The following CAMTA1 variants were observed in gnomAD, a reference collection of about 807,000 sequenced individuals.
CAMTA1 encodes the protein calmodulin binding transcription activator 1, also known as calmodulin-binding transcription activator 1.
Under a neutral mutation model 170.9 loss-of-function variants are expected in CAMTA1, and 27 were observed. The ratio of observed to expected loss-of-function variants is 0.16; its 90% CI spans 0.12 to 0.22. The LOEUF (loss-of-function observed/expected upper bound fraction) is 0.22. Among genes scored for constraint, CAMTA1 ranks in the 10% least tolerant of loss-of-function variants. CAMTA1 has a pLI of 1.00. For missense variants in CAMTA1, 1,619 were observed against 2,217.2 expected, an observed-to-expected ratio of 0.73 and a Z score of 5.42; for synonymous variants, 833 against 891.5, an observed-to-expected ratio of 0.93 and a Z score of 1.17.
intron 5 of CAMTA1, among the ~76,000 whole-genome samples, chr1:7,353,282 C>T (rs983581547): frequency 1.3e-5 from 2 of 152,116 alleles, no homozygotes; most frequent in South Asian, 2.1e-4. Context: ...ATACAGAGAA[C>T]CCCTCATTTA....
intron 1 of CAMTA1, among the ~76,000 whole-genome samples, chr1:6,801,960 A>G (rs1393096293): frequency 6.6e-6 from 1 of 152,192 alleles, no homozygotes; most frequent in East Asian, 1.9e-4. Context: ...TTCTTAATAA[A>G]CACTAGGAAA....
At chr1:7,359,531 G>T (rs845196) in intron 5 of CAMTA1, among the ~76,000 whole-genome samples, 1 of 152,084 alleles carries the variant, frequency 6.6e-6, no homozygotes, top group East Asian at 1.9e-4. Context: ...CCCATTCGAC[G>T]GCACCTTTTC....
chr1:7,400,894 T>C (rs2089851609), intron 5 of CAMTA1, among the ~76,000 whole-genome samples: 1 of 152,242 alleles, frequency 6.6e-6, no homozygotes, highest in Admixed American at 6.5e-5. Flanking sequence ...GTTCTTTATA[T>C]ATTCTAGATA....
At chr1:7,393,684 C>G (rs897468045) in intron 5 of CAMTA1, among the ~76,000 whole-genome samples, 1 of 152,174 alleles carries the variant, frequency 6.6e-6, no homozygotes, top group Non-Finnish European at 1.5e-5. Context: ...GCACCTCACA[C>G]ATATACCATT....
chr1:7,302,577 C>T (rs1303129434), intron 5 of CAMTA1, among the ~76,000 whole-genome samples: 1 of 152,182 alleles, frequency 6.6e-6, no homozygotes, highest in Admixed American at 6.5e-5. Context: ...ATGAAATATG[C>T]ACCTCTAATA....
At chr1:7,669,044 C>T (rs1468538080) in intron 9 of CAMTA1, among the ~76,000 whole-genome samples, 3 of 152,192 alleles carry the variant, frequency 2.0e-5, no homozygotes, top group Non-Finnish European at 4.4e-5. Flanking sequence ...TATCCCTGGG[C>T]ATCAGAACAA....
chr1:6,829,122 C>T (rs1007719837), intron 3 of CAMTA1, among the ~76,000 whole-genome samples: 7 of 151,960 alleles, frequency 4.6e-5, no homozygotes, highest in Admixed American at 2.6e-4. Flanking sequence ...AGGCTGGTCT[C>T]GAACTCCTGA....
Position 7,464,436 on chromosome 1 carries a change from AC to A in CAMTA1, c.439-3393del, listed in dbSNP as rs1462100429. On this transcript the variant is annotated intron_variant, in intron 5 of 22. Coordinates refer to ENST00000303635, the MANE Select transcript of CAMTA1 (RefSeq NM_015215.4). ...AGTGGATAAAGGGAATGGATTCGCC[AC>A]ACGGCCTCATGGAATATTGTGCAAT... Among the ~76,000 whole-genome samples the A allele has an allele frequency of 2.0e-5, 3 of 152,334 alleles. No individual in the cohort carries two copies. In the East Asian group the frequency reaches 5.8e-4, roughly 29 times the overall value.
intron 7 of CAMTA1, among the ~76,000 whole-genome samples, chr1:7,657,939 A>T (rs951045774): frequency 6.6e-6 from 1 of 152,222 alleles, no homozygotes; most frequent in Non-Finnish European, 1.5e-5. Flanking sequence ...GGCAGAGAGA[A>T]TGCGGCTGCC....
intron 6 of CAMTA1, among the ~76,000 whole-genome samples, chr1:7,492,441 ACCAGCCC>A (rs2093718711): frequency 6.6e-6 from 1 of 151,924 alleles, no homozygotes. Context: ...TGCCCCTGCC[ACCAGCCC>A]CCGGGCTGCT....
At position 7,041,711 on chromosome 1, in the gene CAMTA1, T is replaced by C. The variant is rs1455874956; in HGVS notation, c.235-49593T>C. Among the ~76,000 whole-genome samples, 2 of 152,234 alleles carry C rather than the reference T, an allele frequency of 1.3e-5. No homozygotes were observed. Among genetic ancestry groups the C allele is most frequent in the Non-Finnish European group, 2.9e-5 (2 of 68,050 alleles). On this transcript the variant is annotated intron_variant, in intron 3 of 22. Coordinates refer to ENST00000303635, the MANE Select transcript of CAMTA1 (RefSeq NM_015215.4). This position sits in a 1 kb window ranked among gnomAD's most constrained non-coding sequence, Gnocchi z 5.1. ...AGGTTTGCTGACGTCTCCTCGTAGATAAAGGAAAATTGAGACGATATTGAT... is the reference window on the plus strand; with the variant it reads ...AGGTTTGCTGACGTCTCCTCGTAGACAAAGGAAAATTGAGACGATATTGAT...
chr1:7,571,339 TATG>T (rs766440781), intron 6 of CAMTA1, among the ~76,000 whole-genome samples: 7 of 152,214 alleles, frequency 4.6e-5, no homozygotes, highest in African/African-American at 7.2e-5. Flanking sequence ...TTACACTTTT[TATG>T]GTTTATTTTA....
At chr1:7,227,046 C>G (rs61270212) in intron 4 of CAMTA1, among the ~76,000 whole-genome samples, 14,383 of 151,836 alleles carry the variant, frequency 0.095, 1,953 homozygotes, top group African/African-American at 0.31. Flanking sequence ...TGTTAGCCAG[C>G]ATGGTCTCGA....
In CAMTA1 at chr1:7,007,916, C is replaced by T. The variant is rs1364601836; in HGVS notation, c.235-83388C>T. On this transcript the variant is annotated intron_variant, in intron 3 of 22. Coordinates refer to ENST00000303635, the MANE Select transcript of CAMTA1 (RefSeq NM_015215.4). This position sits in a 1 kb window ranked among gnomAD's most constrained non-coding sequence, Gnocchi z 4.5. ...CCTAGAGCTTGTGAGACCCGGGAAA[C>T]AGCGTTCCATACAATTGAGTGACAG... Among the ~76,000 whole-genome samples the T allele has an allele frequency of 6.6e-6, 1 of 152,150 alleles. No individual in the cohort carries two copies. The highest frequency in any genetic ancestry group is 1.5e-5 in the Non-Finnish European group (1 of 68,030).
chr1:7,321,621 G>T (rs1028805210), intron 5 of CAMTA1, among the ~76,000 whole-genome samples: 3 of 152,110 alleles, frequency 2.0e-5, no homozygotes, highest in African/African-American at 4.8e-5. Context: ...AAGCTGTCAG[G>T]GCTTTTCTGA....
At chr1:7,537,696 T>C (rs2094565468) in intron 6 of CAMTA1, among the ~76,000 whole-genome samples, 1 of 152,178 alleles carries the variant, frequency 6.6e-6, no homozygotes, top group African/African-American at 2.4e-5. Context: ...AAAATGAATT[T>C]AGGTCCTTTA....
intron 11 of CAMTA1, among the ~76,000 whole-genome samples, chr1:7,719,590 C>A (rs1201501242): frequency 6.6e-6 from 1 of 152,126 alleles, no homozygotes; most frequent in Non-Finnish European, 1.5e-5. Flanking sequence ...TGGAGTATGG[C>A]GGTTTTTTCT....
At chr1:7,494,764 A>G (rs1278565170) in intron 6 of CAMTA1, among the ~76,000 whole-genome samples, 1 of 152,188 alleles carries the variant, frequency 6.6e-6, no homozygotes, top group African/African-American at 2.4e-5. Context: ...AGATGGCGCC[A>G]CTGCACTCCA....
chr1:7,126,855 C>T (rs1304060005), intron 4 of CAMTA1, among the ~76,000 whole-genome samples: 1 of 152,172 alleles, frequency 6.6e-6, no homozygotes, highest in Non-Finnish European at 1.5e-5. Context: ...ACTGCAAGCT[C>T]TGCCTCCCGG....
Sources: gnomAD v4.1 joint callset for allele counts (sites outside exome capture counted in the v4.1 genomes callset) on GRCh38, gnomAD v4.1.1 for gene constraint, Gnocchi (gnomAD v3.1) non-coding constraint, MANE v1.5 for transcripts, NCBI Gene and HGNC (gene_info 2026-07-23, HGNC 2026-07-21) for gene names.